Variants in LAMP1 observed in about 807,000 individuals in gnomAD.
The protein encoded by LAMP1 is lysosome associated membrane protein 1, also known as lysosome-associated membrane glycoprotein 1.
Under a neutral mutation model 37.5 loss-of-function variants are expected in LAMP1, and 7 were observed. The observed-to-expected ratio is 0.19, with a 90% CI of 0.11 to 0.35. LAMP1 has a LOEUF of 0.35. LAMP1 is among the 10% of genes least tolerant of loss of function. The pLI, the probability that LAMP1 is intolerant of heterozygous loss-of-function variation, is 1.00. For missense variants in LAMP1, 537 were observed against 552.8 expected (o/e 0.97, Z 0.29); for synonymous variants, 236 against 229.1 (o/e 1.03, Z -0.27).
Position 113,297,552 on chromosome 13 carries a change from T to G in LAMP1, c.61+57T>G. 2 of 1,212,346 alleles carry G rather than the reference T, an allele frequency of 1.6e-6. No individual in the cohort carries two copies. Among genetic ancestry groups the G allele is most frequent in the Non-Finnish European group, 2.1e-6 (2 of 973,818 alleles). 75.1% of individuals were successfully genotyped at this position (1,212,346 alleles called of 1,614,324 possible). A position where few individuals can be genotyped will look rare whatever the true frequency, so the allele number is the denominator to read the frequency against. Reference sequence around the variant, plus strand: ...CGGGACCGGGCGGAGCCGAGGTCCCTGGGTCTTGAGGGCGGGGGACTGCCG... The same window carrying G: ...CGGGACCGGGCGGAGCCGAGGTCCCGGGGTCTTGAGGGCGGGGGACTGCCG... On this transcript the variant is annotated intron_variant, in intron 1 of 8. Transcript: ENST00000332556. The surrounding 1 kb of genome is among the most constrained non-coding windows in gnomAD (Gnocchi z 4.4).
chr13:113,318,186 G>C (rs1003358703), intron 4 of LAMP1, among the ~76,000 whole-genome samples: 1 of 152,192 alleles, frequency 6.6e-6, no homozygotes, highest in Non-Finnish European at 1.5e-5. Flanking sequence ...ACCGGGGTGC[G>C]GGGGCACTCC....
chr13:113,300,358 C>T (rs566934249), intron 1 of LAMP1, among the ~76,000 whole-genome samples: 8 of 151,994 alleles, frequency 5.3e-5, no homozygotes, highest in South Asian at 2.1e-4. Flanking sequence ...TGGTGGCAGG[C>T]GCCTGTAATT....
At position 113,322,517 on chromosome 13, in the gene LAMP1, T is replaced by G; in HGVS notation, c.*96T>G. The G allele has an allele frequency of 1.7e-6, 2 of 1,179,428 alleles. No homozygotes were observed. Among genetic ancestry groups the G allele is most frequent in the Non-Finnish European group, 2.4e-6 (2 of 847,832 alleles). The allele number at this position is 1,179,428 out of a possible 1,614,324, so 73.1% of individuals were successfully genotyped here. On this transcript the variant is annotated 3_prime_UTR_variant, in exon 9 of 9. Transcript: ENST00000332556. ...GGGAGGCACACTTTCTGGCAAACGTTTCTCAAATCTGCTTCATCCAATGTG... is the reference window on the plus strand; with the variant it reads ...GGGAGGCACACTTTCTGGCAAACGTGTCTCAAATCTGCTTCATCCAATGTG...
Position 113,309,761 on chromosome 13 carries a change from C to T in LAMP1, c.302C>T (p.Thr101Ile), listed in dbSNP as rs971601002. The change falls in exon 3 of 9, where the codon ACT (threonine) becomes ATT (isoleucine). Residue 101 changes from threonine (T) to isoleucine (I), a missense_variant. Coordinates refer to ENST00000332556, the MANE Select transcript of LAMP1 (RefSeq NM_005561.4). Reference protein sequence around the residue: ...VIAFGRGHTLTLNFTRNATRY... With the variant: ...VIAFGRGHTLILNFTRNATRY... ...GCTTTTGGAAGAGGACATACACTCA[C>T]TCTCAATTTCACGAGAAATGCAACA... The T allele has an allele frequency of 3.1e-6, 5 of 1,614,068 alleles. No individual in the cohort carries two copies. The African/African-American group carries it at 5.3e-5, about 17-fold the overall frequency.
At chr13:113,304,660 CTTTTTTTT>C (rs1376947385) in intron 1 of LAMP1, among the ~76,000 whole-genome samples, 1 of 143,626 alleles carries the variant, frequency 7.0e-6, no homozygotes, top group Non-Finnish European at 1.5e-5. Flanking sequence ...TTTTCTTTTT[CTTTTTTTT>C]TTTTTGAGAC....
At chr13:113,298,557 C>T (rs1022893156) in intron 1 of LAMP1, among the ~76,000 whole-genome samples, 15 of 152,188 alleles carry the variant, frequency 9.9e-5, no homozygotes, top group South Asian at 4.1e-4. Context: ...TCTTTAAATC[C>T]CTCAGTCCCA....
At chr13:113,313,399 T>C (rs2139368356) in intron 4 of LAMP1, among the ~76,000 whole-genome samples, 1 of 152,370 alleles carries the variant, frequency 6.6e-6, no homozygotes, top group East Asian at 1.9e-4. Context: ...AGCCTTCCTC[T>C]GTGTCCAGAT....
intron 1 of LAMP1, among the ~76,000 whole-genome samples, chr13:113,300,486 C>CAA (rs781688099): frequency 1.5e-3 from 89 of 60,256 alleles, no homozygotes; most frequent in African/African-American, 3.8e-3. Context: ...AACTCAATGT[C>CAA]AAAAAAAAAA....
At position 113,322,615 on chromosome 13, in the gene LAMP1, G is replaced by A. The variant is rs1216014514; in HGVS notation, c.*194G>A. 7.1e-6 allele frequency: 3 copies of A among 425,514 alleles called. No homozygotes were observed. Among genetic ancestry groups the A allele is most frequent in the African/African-American group, 6.2e-5 (3 of 48,242 alleles). 26.4% of individuals were successfully genotyped at this position (425,514 alleles called of 1,614,324 possible). On this transcript the variant is annotated 3_prime_UTR_variant, in exon 9 of 9. Transcript: ENST00000332556. ...ATGACGGTGTTAATTTTGCTAACTGGGTTAAATATTTTGCTAACTGGTTAA... is the reference window on the plus strand; with the variant it reads ...ATGACGGTGTTAATTTTGCTAACTGAGTTAAATATTTTGCTAACTGGTTAA...
intron 4 of LAMP1, among the ~76,000 whole-genome samples, chr13:113,315,932 G>A (rs550499904): frequency 5.3e-5 from 8 of 152,008 alleles, no homozygotes; most frequent in Non-Finnish European, 8.8e-5. Context: ...GCGAAAACCC[G>A]TCTCTACTAA....
intron 2 of LAMP1, among the ~76,000 whole-genome samples, chr13:113,307,961 A>G (rs899706097): frequency 1.9e-4 from 28 of 149,634 alleles, no homozygotes; most frequent in Admixed American, 4.0e-4. Flanking sequence ...CATCTCCAAA[A>G]AAAAAAAAAA....
rs1222444853 is a variant in LAMP1 at position 113,297,424 on chromosome 13, C to T, written c.-11C>T. 3 of 892,652 alleles carry T rather than the reference C, an allele frequency of 3.4e-6. No homozygotes were observed. Among genetic ancestry groups the T allele is most frequent in the East Asian group, 3.5e-5 (1 of 28,716 alleles). The allele number at this position is 892,652 out of a possible 1,614,324, so 55.3% of individuals were successfully genotyped here. A position where few individuals can be genotyped will look rare whatever the true frequency, so the allele number is the denominator to read the frequency against. On this transcript the variant is annotated 5_prime_UTR_variant, in exon 1 of 9. Transcript: ENST00000332556. The surrounding 1 kb of genome is among the most constrained non-coding windows in gnomAD (Gnocchi z 4.4). ...CCCCGCTCCCCGCACCGTACCCGGC[C>T]GCCTCGCGCCATGGCGGCCCCCGGC...
chr13:113,300,074 TGATA>T (rs1191107078), intron 1 of LAMP1, among the ~76,000 whole-genome samples: 27 of 152,354 alleles, frequency 1.8e-4, no homozygotes, highest in African/African-American at 4.8e-5. Flanking sequence ...AAACTTGTCC[TGATA>T]GATAGGATTA....
chr13:113,298,580 ACT>A (rs1220613719), intron 1 of LAMP1, among the ~76,000 whole-genome samples: 7 of 151,490 alleles, frequency 4.6e-5, no homozygotes, highest in Non-Finnish European at 1.0e-4. Context: ...CAGCTGTAAA[ACT>A]CTGTTACTGT....
chr13:113,303,599 C>G (rs1041187710), intron 1 of LAMP1, among the ~76,000 whole-genome samples: 2 of 151,840 alleles, frequency 1.3e-5, no homozygotes, highest in East Asian at 3.9e-4. Context: ...AGCATACATA[C>G]ATTTCCTCCT....
In LAMP1 at chr13:113,310,741, A is replaced by G. The variant is rs1458466728; in HGVS notation, c.436A>G (p.Arg146Gly). The G allele has an allele frequency of 1.2e-6, 2 of 1,611,078 alleles. No homozygotes were observed. The highest frequency in any genetic ancestry group is 2.2e-5 in the East Asian group (1 of 44,796). ...IKTVESITDIRADIDKKYRCV... is the reference protein window; with the variant it reads ...IKTVESITDIGADIDKKYRCV... Reference sequence around the variant, plus strand: ...GACTGTGGAATCTATAACTGACATCAGGGCAGATATAGATAAAAAATACAG... The same window carrying G: ...GACTGTGGAATCTATAACTGACATCGGGGCAGATATAGATAAAAAATACAG... Residue 146 changes from arginine to glycine, a missense_variant, in exon 4 of 9, where the codon AGG (arginine) becomes GGG (glycine). By Grantham distance (125) the Arg-to-Gly change is moderately radical. Transcript: ENST00000332556.
Position 113,322,427 on chromosome 13 carries a change from T to C in LAMP1, c.*6T>C, listed in dbSNP as rs904948001. 1.2e-6 allele frequency: 2 copies of C among 1,604,264 alleles called. No individual in the cohort carries two copies. The highest frequency in any genetic ancestry group is 1.7e-5 in the Admixed American group (1 of 59,550). ...CAGGCTACCAGACTATCTAGCCTGG[T>C]GCACGCAGGCACAGCAGCTGCAGGG... On this transcript the variant is annotated 3_prime_UTR_variant, in exon 9 of 9. Coordinates refer to ENST00000332556, the MANE Select transcript of LAMP1 (RefSeq NM_005561.4).
intron 1 of LAMP1, among the ~76,000 whole-genome samples, chr13:113,299,799 C>G (rs191743796): frequency 2.6e-5 from 4 of 151,930 alleles, no homozygotes; most frequent in Admixed American, 2.0e-4. Flanking sequence ...GAACTGACCT[C>G]GTGATCCACC....
In LAMP1 at chr13:113,321,014, T is replaced by C. The variant is rs1431674742; in HGVS notation, c.877-390T>C. The C allele has an allele frequency of 7.1e-6, 2 of 282,782 alleles. No homozygotes were observed. Among genetic ancestry groups the C allele is most frequent in the Non-Finnish European group, 1.4e-5 (2 of 146,490 alleles). 17.5% of individuals were successfully genotyped at this position (282,782 alleles called of 1,614,324 possible). On this transcript the variant is annotated intron_variant, in intron 6 of 8. Coordinates refer to ENST00000332556, the MANE Select transcript of LAMP1 (RefSeq NM_005561.4). This position sits in a 1 kb window ranked among gnomAD's most constrained non-coding sequence, Gnocchi z 5.6. ...GGGCAGCACAGGGAGGCTCCATTTC[T>C]GCAAATAATAAAACGAGTTAGCTGG...
Sources: allele counts gnomAD v4.1 joint callset (sites outside exome capture counted in the v4.1 genomes callset), GRCh38; gene constraint gnomAD v4.1.1; non-coding constraint Gnocchi (gnomAD v3.1); transcripts MANE v1.5; gene names NCBI Gene and HGNC (gene_info 2026-07-23, HGNC 2026-07-21).